The following CFAP54 variants were observed in gnomAD, a reference collection of about 807,000 sequenced individuals.
The protein encoded by CFAP54 is cilia and flagella associated protein 54.
A neutral mutation model predicts 370.4 loss-of-function variants in CFAP54; 290 were observed. That is an observed-to-expected ratio of 0.78 (90% confidence interval 0.71 to 0.86). The LOEUF is 0.86. Ranked by LOEUF, CFAP54 falls within the 40% of genes least tolerant of loss-of-function variation. The pLI is 0.00. For missense variants in CFAP54, 3,399 were observed against 3,528.7 expected, an observed-to-expected ratio of 0.96 and a Z score of 0.93; for synonymous variants, 1,206 against 1,236.5, an observed-to-expected ratio of 0.98 and a Z score of 0.52.
At position 96,654,832 on chromosome 12, in the gene CFAP54, A is replaced by ATTTTTTTTTTT. The variant is rs10631171; in HGVS notation, c.5100+3023_5100+3033dup. On this transcript the variant is annotated intron_variant, in intron 36 of 67. Transcript: ENST00000524981. ...TTTTGTGTCTGGCTCATTTCACTTA[A>ATTTTTTTTTTT]TTTTTTTTTTTTTTTTAAGAAATGA... Among the ~76,000 whole-genome samples, 337 of 132,056 alleles carry ATTTTTTTTTTT rather than the reference A, an allele frequency of 2.6e-3. 4 individuals carry two copies. The highest frequency in any genetic ancestry group is 9.5e-3 in the East Asian group (36 of 3,790). 86.6% of individuals were successfully genotyped at this position (132,056 alleles called of 152,430 possible). A position where few individuals can be genotyped will look rare whatever the true frequency, so the allele number is the denominator to read the frequency against.
chr12:96,770,490 C>T (rs1194247607), intron 60 of CFAP54, among the ~76,000 whole-genome samples: 1 of 152,176 alleles, frequency 6.6e-6, no homozygotes, highest in Admixed American at 6.5e-5. Context: ...ACAGATGGTT[C>T]ATGTGAGAGA....
intron 67 of CFAP54, among the ~76,000 whole-genome samples, chr12:96,861,336 A>T (rs375774919): frequency 6.6e-6 from 1 of 152,188 alleles, no homozygotes; most frequent in Admixed American, 6.6e-5. Context: ...GGTTGTTATC[A>T]CGGGTAGAGT....
chr12:96,854,547 G>T (rs1310059972), intron 66 of CFAP54, among the ~76,000 whole-genome samples: 2 of 152,050 alleles, frequency 1.3e-5, no homozygotes, highest in East Asian at 1.9e-4. Context: ...AAGCACTTGT[G>T]TACAAAAATA....
At chr12:96,667,442 C>T (rs1483221700) in intron 39 of CFAP54, among the ~76,000 whole-genome samples, 2 of 152,194 alleles carry the variant, frequency 1.3e-5, no homozygotes, top group Non-Finnish European at 2.9e-5. Context: ...GGTGGATGTC[C>T]CAAATCTCAG....
chr12:96,742,594 C>T lies in CFAP54; in HGVS notation c.7219+8C>T, dbSNP rs1374682656. 6 of 1,607,374 alleles carry T rather than the reference C, an allele frequency of 3.7e-6. No homozygotes were observed. The highest frequency in any genetic ancestry group is 2.2e-5 in the East Asian group (1 of 44,706). ...GCATTGGAATTGTGAAAGGTACAAA[C>T]ATTTGCTTAATCAATGTTTTCATAA... On this transcript the variant is annotated splice_region_variant and intron_variant, in intron 52 of 67. Coordinates refer to ENST00000524981, the MANE Select transcript of CFAP54 (RefSeq NM_001306084.2).
chr12:96,563,130 C>T (rs1955833190), intron 17 of CFAP54, among the ~76,000 whole-genome samples: 2 of 152,048 alleles, frequency 1.3e-5, no homozygotes, highest in Admixed American at 6.6e-5. Context: ...TCATGGAGTT[C>T]CTAATACCTC....
rs201267260 is a variant in CFAP54 at position 96,764,141 on chromosome 12, A to G, written c.8041-10A>G. On this transcript the variant is annotated splice_polypyrimidine_tract_variant and intron_variant, in intron 58 of 67. Coordinates refer to ENST00000524981, the MANE Select transcript of CFAP54 (RefSeq NM_001306084.2). The stretch of plus-strand genomic sequence containing the variant: ...AACTTTATATCATAACACATTTGCC[A>G]TATTTTTAGCCTCCTCTCAGAAGAA... The G allele has an allele frequency of 9.3e-4, 1,484 of 1,588,642 alleles. 17 individuals carry two copies. The Middle Eastern group carries it at 9.5e-3, about 10-fold the overall frequency.
intron 39 of CFAP54, among the ~76,000 whole-genome samples, chr12:96,669,638 G>A (rs1385902416): frequency 1.3e-5 from 2 of 152,164 alleles, no homozygotes; most frequent in Non-Finnish European, 2.9e-5. Flanking sequence ...GTAGCCAGAT[G>A]GATGATGATG....
At chr12:96,490,211 T>C (rs901670796) in intron 1 of CFAP54, among the ~76,000 whole-genome samples, 3 of 152,166 alleles carry the variant, frequency 2.0e-5, no homozygotes, top group Non-Finnish European at 2.9e-5. Flanking sequence ...AAAAGAAAGA[T>C]GGTAACATAA....
chr12:96,716,623 A>G (rs1189622700), intron 48 of CFAP54, among the ~76,000 whole-genome samples: 1 of 152,104 alleles, frequency 6.6e-6, no homozygotes, highest in African/African-American at 2.4e-5. Context: ...TCTTGCTCAG[A>G]TTGACAAGGG....
At chr12:96,507,189 T>A in intron 4 of CFAP54, 90 bp downstream of exon 4, 1 of 990,270 alleles carries the variant, frequency 1.0e-6, no homozygotes, top group Non-Finnish European at 1.4e-6. Flanking sequence ...CCTTGTGATT[T>A]AAAACATACG....
chr12:96,491,629 C>G (rs1954886408), intron 1 of CFAP54, among the ~76,000 whole-genome samples: 1 of 152,056 alleles, frequency 6.6e-6, no homozygotes, highest in Non-Finnish European at 1.5e-5. Flanking sequence ...GCCTGGTGTA[C>G]TAGAAGCAGG....
At chr12:96,508,637 T>G (rs1283962467) in intron 4 of CFAP54, among the ~76,000 whole-genome samples, 1 of 151,786 alleles carries the variant, frequency 6.6e-6, no homozygotes, top group Non-Finnish European at 1.5e-5. Context: ...CTTGATATCT[T>G]TTTCTTGGTA....
intron 28 of CFAP54, among the ~76,000 whole-genome samples, chr12:96,624,706 G>A: frequency 6.6e-6 from 1 of 152,200 alleles, no homozygotes; most frequent in East Asian, 1.9e-4. Flanking sequence ...CTTTGGGGAT[G>A]AGGCTACACT....
chr12:96,839,044 T>TTAATA (rs1959195884), intron 66 of CFAP54, among the ~76,000 whole-genome samples: 1 of 152,176 alleles, frequency 6.6e-6, no homozygotes, highest in African/African-American at 2.4e-5. Flanking sequence ...AGGGGCTAGA[T>TTAATA]TAATATGTCC....
chr12:96,542,128 C>G (rs1344617071), intron 14 of CFAP54, among the ~76,000 whole-genome samples: 4 of 152,180 alleles, frequency 2.6e-5, no homozygotes, highest in Non-Finnish European at 5.9e-5. Context: ...ATCTGGAGGA[C>G]TTCGTAATAA....
At chr12:96,802,283 C>G (rs1428894007) in intron 63 of CFAP54, among the ~76,000 whole-genome samples, 1 of 152,130 alleles carries the variant, frequency 6.6e-6, no homozygotes, top group Non-Finnish European at 1.5e-5. Flanking sequence ...GAGGGGGACA[C>G]CACCCCACCC....
rs535114936 is a variant in CFAP54, at chr12:96,671,876, C to T, written c.5564-7724C>T. 3.1e-3 allele frequency among the ~76,000 whole-genome samples: 464 copies of T among 150,980 alleles called. 3 individuals are homozygous for T. Among genetic ancestry groups the T allele is most frequent in the African/African-American group, 0.01 (425 of 41,106 alleles). ...GGTGGAGGTTGCAGTGAGCCAAGAT[C>T]GTGCCATTGCACTCCAGCCTGCATG... is the stretch of plus-strand genomic sequence containing the variant. On this transcript the variant is annotated intron_variant, in intron 39 of 67. Transcript: ENST00000524981.
At chr12:96,623,729 C>T (rs1391202331) in intron 27 of CFAP54, 38 bp from the exon 28 acceptor site, 11 of 1,057,064 alleles carry the variant, frequency 1.0e-5, no homozygotes, top group East Asian at 2.6e-5. Flanking sequence ...TGTTGCAACA[C>T]GTTAAAGTAC....
Sources: gnomAD v4.1 joint callset for allele counts (sites outside exome capture counted in the v4.1 genomes callset) on GRCh38, gnomAD v4.1.1 for gene constraint, MANE v1.5 for transcripts, NCBI Gene and HGNC (gene_info 2026-07-23, HGNC 2026-07-21) for gene names.